CAMKMT: variants seen among roughly 807,000 people sequenced by gnomAD.
CAMKMT encodes the protein calmodulin-lysine N-methyltransferase.
In CAMKMT, 53 loss-of-function variants were observed where a neutral mutation model predicts 48.0. The observed-to-expected ratio is 1.10, with a 90% CI of 0.89 to 1.39. CAMKMT has a LOEUF of 1.39. Among genes scored for constraint, CAMKMT ranks in the 40% most tolerant of loss-of-function variants. The probability of loss-of-function intolerance (pLI) is 0.00; values close to 1 mark genes in which losing one functional copy is unlikely to be tolerated. For synonymous variants in CAMKMT, 165 were observed against 152.3 expected, an observed-to-expected ratio of 1.08 and a Z score of -0.61; for missense variants, 428 against 402.7, an observed-to-expected ratio of 1.06 and a Z score of -0.54.
chr2:44,671,500 T>C (rs1026912849), intron 3 of CAMKMT, among the ~76,000 whole-genome samples: 9 of 152,238 alleles, frequency 5.9e-5, no homozygotes, highest in African/African-American at 2.2e-4. Context: ...GTTTGTTGTC[T>C]GGGCCTGCCC....
chr2:44,608,142 G>A (rs952545099), intron 3 of CAMKMT, among the ~76,000 whole-genome samples: 2 of 142,026 alleles, frequency 1.4e-5, no homozygotes, highest in Non-Finnish European at 3.0e-5. Flanking sequence ...GCAGCATCTC[G>A]GCTCACTGCA....
chr2:44,642,704 C>T (rs1673513495), intron 3 of CAMKMT, among the ~76,000 whole-genome samples: 1 of 152,030 alleles, frequency 6.6e-6, no homozygotes, highest in South Asian at 2.1e-4. Context: ...GTCTAAACTA[C>T]TCTGGGGGAG....
At chr2:44,422,302 C>A (rs759318492) in intron 3 of CAMKMT, among the ~76,000 whole-genome samples, 1 of 152,204 alleles carries the variant, frequency 6.6e-6, no homozygotes, top group Non-Finnish European at 1.5e-5. Flanking sequence ...AATTAAACTT[C>A]TTTTCTTTAT....
chr2:44,505,518 T>C lies in CAMKMT; in HGVS notation c.376+115213T>C, dbSNP rs186877951. On this transcript the variant is annotated intron_variant, in intron 3 of 10. Transcript: ENST00000378494. ...TTTATCTGAAAGTTTTATAGTCTTA[T>C]GTTTTACATTAAGTCTGTGGTCCAG... is the stretch of plus-strand genomic sequence containing the variant. 1.3e-3 allele frequency among the ~76,000 whole-genome samples: 198 copies of C among 152,334 alleles called. 3 individuals carry two copies. Among genetic ancestry groups the C allele is most frequent in the African/African-American group, 4.6e-3 (193 of 41,586 alleles).
chr2:44,679,713 G>A (rs779062566), intron 3 of CAMKMT, among the ~76,000 whole-genome samples: 3 of 152,306 alleles, frequency 2.0e-5, no homozygotes, highest in Admixed American at 1.3e-4. Context: ...GGAAGTAAAC[G>A]AGGTGTGCTA....
At chr2:44,498,868 C>G (rs1231692666) in intron 3 of CAMKMT, among the ~76,000 whole-genome samples, 3 of 152,108 alleles carry the variant, frequency 2.0e-5, no homozygotes, top group East Asian at 3.8e-4. Context: ...TTGGAAATAA[C>G]CAAATTATCC....
intron 3 of CAMKMT, among the ~76,000 whole-genome samples, chr2:44,675,085 GAA>G (rs201919086): frequency 1.3e-3 from 191 of 146,428 alleles, no homozygotes; most frequent in Admixed American, 3.1e-3. Context: ...TTAAGGGGGG[GAA>G]AAAAAAAAAG....
intron 7 of CAMKMT, among the ~76,000 whole-genome samples, chr2:44,715,730 G>A (rs1678142092): frequency 6.6e-6 from 1 of 152,152 alleles, no homozygotes; most frequent in Admixed American, 6.5e-5. Flanking sequence ...ATTCCCTGGA[G>A]ATATTTTTTT....
chr2:44,728,242 G>A (rs769991379), intron 7 of CAMKMT, among the ~76,000 whole-genome samples: 8 of 151,940 alleles, frequency 5.3e-5, no homozygotes, highest in Non-Finnish European at 4.4e-5. Flanking sequence ...TGTATGTTGC[G>A]CCAGCCTTGC....
intron 8 of CAMKMT, among the ~76,000 whole-genome samples, chr2:44,753,124 G>A (rs1680218353): frequency 6.6e-6 from 1 of 151,940 alleles, no homozygotes; most frequent in Admixed American, 6.6e-5. Context: ...ATAAAAACAT[G>A]AACCTGGGTT....
At chr2:44,724,758 A>G (rs551407330) in intron 7 of CAMKMT, among the ~76,000 whole-genome samples, 86 of 152,274 alleles carry the variant, frequency 5.6e-4, no homozygotes, top group Admixed American at 4.6e-3. Flanking sequence ...TAGATAAGAA[A>G]GTAATTCTGA....
intron 3 of CAMKMT, among the ~76,000 whole-genome samples, chr2:44,451,374 T>G (rs1667279457): frequency 6.6e-6 from 1 of 152,050 alleles, no homozygotes; most frequent in African/African-American, 2.4e-5. Flanking sequence ...TTTTTATAAC[T>G]CAAAAACAAA....
intron 9 of CAMKMT, among the ~76,000 whole-genome samples, chr2:44,755,244 C>G (rs190151171): frequency 6.6e-6 from 1 of 152,210 alleles, no homozygotes; most frequent in Admixed American, 6.5e-5. Context: ...CTCCTCAGTT[C>G]CCCTGTGAAA....
intron 7 of CAMKMT, among the ~76,000 whole-genome samples, chr2:44,717,552 A>G (rs1678237007): frequency 6.6e-6 from 1 of 152,238 alleles, no homozygotes. Context: ...GCCATTCACA[A>G]AAGAGCTAAG....
chr2:44,362,107 G>A lies in CAMKMT; in HGVS notation c.100G>A (p.Ala34Thr). ...CACCACTCGGGGGCCCGTAGTCTCG[G>A]CGCCCCTGGGAGCCGCCCGGTGGAA... The part of the protein sequence containing the change: ...GCTTRGPVVS[A>T]PLGAARWKLL... The change falls in exon 1 of 11, where the codon GCG (alanine) becomes ACG (threonine). Residue 34 changes from alanine (A) to threonine (T), a missense_variant. Physicochemically the swap from Ala to Thr is moderately conservative, Grantham distance 58. Transcript: ENST00000378494. The A allele has an allele frequency of 6.8e-7, 1 of 1,467,976 alleles. No individual in the cohort carries two copies. The highest frequency in any genetic ancestry group is 8.9e-7 in the Non-Finnish European group (1 of 1,121,132). The allele number at this position is 1,467,976 out of a possible 1,614,324, so 90.9% of individuals were successfully genotyped here. A position where few individuals can be genotyped will look rare whatever the true frequency, so the allele number is the denominator to read the frequency against.
intron 3 of CAMKMT, among the ~76,000 whole-genome samples, chr2:44,457,688 G>A (rs930934343): frequency 1.3e-5 from 2 of 152,114 alleles, no homozygotes; most frequent in African/African-American, 4.8e-5. Flanking sequence ...ATGAGCCACC[G>A]TGCCCGGCCC....
At chr2:44,766,640 C>A in intron 10 of CAMKMT, 79 bp downstream of exon 10, 2 of 1,512,842 alleles carry the variant, frequency 1.3e-6, no homozygotes, top group Non-Finnish European at 1.8e-6. Context: ...TGGCAGGTAA[C>A]CTAAATATTT....
At chr2:44,442,033 A>T (rs573962850) in intron 3 of CAMKMT, among the ~76,000 whole-genome samples, 93 of 152,308 alleles carry the variant, frequency 6.1e-4, no homozygotes, top group Non-Finnish European at 6.9e-4. Flanking sequence ...CTGGTCTTCA[A>T]ATTGGCCCTT....
At position 44,715,325 on chromosome 2, in the gene CAMKMT, G is replaced by A. The variant is rs779962351; in HGVS notation, c.595G>A (p.Val199Met). 3 of 1,613,288 alleles carry A rather than the reference G, an allele frequency of 1.9e-6. No individual in the cohort carries two copies. Among genetic ancestry groups the A allele is most frequent in the East Asian group, 2.2e-5 (1 of 44,828 alleles). ...DIITRNQKAG[V>M]FKTQKISSCV... Reference sequence around the variant, plus strand: ...CATCACAAGGAATCAGAAGGCTGGTGTGTTTAAGACCCAGAAAATATCAAG... The same window carrying A: ...CATCACAAGGAATCAGAAGGCTGGTATGTTTAAGACCCAGAAAATATCAAG... Residue 199 changes from valine to methionine, a missense_variant, in exon 7 of 11, where the codon GTG (valine) becomes ATG (methionine). Physicochemically the swap from Val to Met is conservative, Grantham distance 21 (BLOSUM62 1). Transcript: ENST00000378494.
Sources: gnomAD v4.1 joint callset for allele counts (sites outside exome capture counted in the v4.1 genomes callset) on GRCh38, gnomAD v4.1.1 for gene constraint, MANE v1.5 for transcripts, NCBI Gene and HGNC (gene_info 2026-07-23, HGNC 2026-07-21) for gene names.